COL12A1: variants seen among roughly 807,000 people sequenced by gnomAD.
The protein encoded by COL12A1 is collagen alpha-1(XII) chain.
A neutral mutation model predicts 349.7 loss-of-function variants in COL12A1; 114 were observed. The ratio of observed to expected loss-of-function variants is 0.33; its 90% CI spans 0.28 to 0.38. The LOEUF (loss-of-function observed/expected upper bound fraction) is 0.38, where lower values mean the gene tolerates loss of function less well. Ranked by LOEUF, COL12A1 falls within the 10% of genes least tolerant of loss-of-function variation. COL12A1 has a pLI of 1.00. For missense variants in COL12A1, 3,284 were observed against 3,756.9 expected, an observed-to-expected ratio of 0.87 and a Z score of 3.29; for synonymous variants, 1,369 against 1,329.0, an observed-to-expected ratio of 1.03 and a Z score of -0.66.
rs1449920267 is a variant in COL12A1, at chr6:75,139,635, C to G, written c.4958-674G>C. Among the ~76,000 whole-genome samples the G allele has an allele frequency of 2.0e-5, 3 of 152,202 alleles. No homozygotes were observed. In the East Asian group the frequency reaches 5.8e-4, roughly 29 times the overall value. ...TGCTACACATACAGTGAATTCCAAT[C>G]TAGGAATATTGCCACAGGAAAGGAA... On this transcript the variant is annotated intron_variant, in intron 27 of 65. Coordinates refer to ENST00000322507, the MANE Select transcript of COL12A1 (RefSeq NM_004370.6).
At chr6:75,204,296 C>A (rs915092754) in intron 1 of COL12A1, among the ~76,000 whole-genome samples, 20 of 152,138 alleles carry the variant, frequency 1.3e-4, no homozygotes, top group African/African-American at 4.3e-4. Context: ...GGCAGTCGTG[C>A]TCGCGAGAAG....
At chr6:75,203,917 G>A (rs368635642) in intron 1 of COL12A1, among the ~76,000 whole-genome samples, 11 of 152,186 alleles carry the variant, frequency 7.2e-5, no homozygotes, top group Admixed American at 2.0e-4. Context: ...ACTGTCCTGC[G>A]TCGGAATGCA....
intron 11 of COL12A1, among the ~76,000 whole-genome samples, chr6:75,180,210 T>C (rs950856406): frequency 2.0e-5 from 3 of 152,232 alleles, no homozygotes; most frequent in Non-Finnish European, 4.4e-5. Flanking sequence ...CGCTACGACA[T>C]GGATCAACCT....
chr6:75,153,152 T>A (rs923216629), intron 17 of COL12A1, among the ~76,000 whole-genome samples: 10 of 152,138 alleles, frequency 6.6e-5, no homozygotes, highest in Admixed American at 2.0e-4. Flanking sequence ...AAATTTATGA[T>A]CTACTGTGAA....
rs769813810 is a variant in COL12A1, at chr6:75,175,189, C to T, written c.2559G>A (p.Gly853=). The T allele has an allele frequency of 1.9e-5, 30 of 1,614,142 alleles. No individual in the cohort carries two copies. Among genetic ancestry groups the T allele is most frequent in the Non-Finnish European group, 2.5e-5 (30 of 1,180,032 alleles). The change falls in exon 13 of 66, where the codon GGG becomes GGA. Residue 853 remains glycine, a synonymous_variant. Coordinates refer to ENST00000322507, the MANE Select transcript of COL12A1 (RefSeq NM_004370.6). ...QYLVTYTPVA[G]GETQEVTVRG... ...TCACAGTGACCTCTTGAGTTTCACC[C>T]CCTGCCACTGGGGTATATGTGACGA... is the stretch of plus-strand genomic sequence containing the variant.
At chr6:75,124,976 A>G (rs1765940977) in intron 40 of COL12A1, 151 bp downstream of exon 40, 1 of 455,878 alleles carries the variant, frequency 2.2e-6, no homozygotes, top group South Asian at 1.1e-4. Flanking sequence ...TATGTATTTG[A>G]ATAGGTATTT....
At position 75,180,968 on chromosome 6, in the gene COL12A1, G is replaced by T; in HGVS notation, c.2135C>A (p.Pro712His). ...TAEYEDGFSI[P>H]LAGEETTEEV... ...TTCGGTGGTCTCCTCTCCAGCTAAGGGAATGCTGAAGCCATCCTCATACTC... is the reference window on the plus strand; with the variant it reads ...TTCGGTGGTCTCCTCTCCAGCTAAGTGAATGCTGAAGCCATCCTCATACTC... The change falls in exon 11 of 66, where the codon CCC becomes CAC. Residue 712 changes from proline to histidine, a missense_variant. This residue lies in a region of COL12A1 where 2,601 missense variants were observed against 2,824.8 expected (regional missense o/e 0.92). Coordinates refer to ENST00000322507, the MANE Select transcript of COL12A1 (RefSeq NM_004370.6). 6.2e-7 allele frequency: 1 copy of T among 1,613,232 alleles called. No individual in the cohort carries two copies. Among genetic ancestry groups the T allele is most frequent in the Non-Finnish European group, 8.5e-7 (1 of 1,179,690 alleles).
At position 75,085,444 on chromosome 6, in the gene COL12A1, C is replaced by T; in HGVS notation, c.*1103G>A. 1 of 432,060 alleles carries T rather than the reference C, an allele frequency of 2.3e-6. No individual in the cohort carries two copies. The highest frequency in any genetic ancestry group is 5.0e-6 in the Non-Finnish European group (1 of 201,214). The allele number at this position is 432,060 out of a possible 1,614,324, so 26.8% of individuals were successfully genotyped here. ...CACACAGCAAAAGCTAAATCATCAC[C>T]CGCGGTGATGGCACTCCAGTCTTAA... is the stretch of plus-strand genomic sequence containing the variant. On this transcript the variant is annotated 3_prime_UTR_variant, in exon 66 of 66. Coordinates refer to ENST00000322507, the MANE Select transcript of COL12A1 (RefSeq NM_004370.6).
chr6:75,126,451 C>A lies in COL12A1; in HGVS notation c.6360G>T (p.Gln2120His). ...ACCATTCGTCAGAGATGTGTATGTT[C>A]TGAGGAGGAAGGAGTCCCACTGAAA... is the stretch of plus-strand genomic sequence containing the variant. ...NGRTVGLLPP[Q>H]NIHISDEWYT... Residue 2120 changes from glutamine (Q) to histidine (H), a missense_variant, in exon 39 of 66, where the codon CAG (glutamine) becomes CAT (histidine). Physicochemically the swap from Gln to His is conservative, Grantham distance 24. Transcript: ENST00000322507. 1 of 1,610,610 alleles carries A rather than the reference C, an allele frequency of 6.2e-7. No individual in the cohort carries two copies. The highest frequency in any genetic ancestry group is 1.1e-5 in the South Asian group (1 of 90,928).
intron 46 of COL12A1, 167 bp from the exon 47 acceptor site, chr6:75,117,713 G>A: frequency 1.7e-6 from 1 of 584,268 alleles, no homozygotes; most frequent in Admixed American, 3.3e-5. Flanking sequence ...ACTTTTTCCA[G>A]GTCTTTCTAT....
At chr6:75,183,014 A>T in intron 10 of COL12A1, 36 bp downstream of exon 10, 1 of 1,541,250 alleles carries the variant, frequency 6.5e-7, no homozygotes, top group Non-Finnish European at 8.7e-7. Flanking sequence ...TTCTTTGTTC[A>T]TGAAGAAATA....
chr6:75,106,388 C>A, intron 53 of COL12A1, 31 bp downstream of exon 53: 2 of 1,576,994 alleles, frequency 1.3e-6, no homozygotes, highest in Non-Finnish European at 1.7e-6. Context: ...ACTGTTAAAG[C>A]CATGGCAGAA....
At position 75,095,120 on chromosome 6, in the gene COL12A1, A is replaced by G; in HGVS notation, c.8637T>C (p.Asp2879=). 1 of 1,614,036 alleles carries G rather than the reference A, an allele frequency of 6.2e-7. No individual in the cohort carries two copies. The highest frequency in any genetic ancestry group is 8.5e-7 in the Non-Finnish European group (1 of 1,179,978). ...GCTGTCCGCTTACTGGTCTGCCATG[A>G]TCTCCAGGTTTTCCTGGCTTCCCAC... The part of the protein sequence containing the change: ...GPSGKPGKPG[D]HGRPGPSGLK... Residue 2879 remains aspartate, a synonymous_variant, in exon 60 of 66, where the codon GAT becomes GAC. Coordinates refer to ENST00000322507, the MANE Select transcript of COL12A1 (RefSeq NM_004370.6).
intron 27 of COL12A1, among the ~76,000 whole-genome samples, chr6:75,140,238 G>C (rs1582118101): frequency 6.6e-6 from 1 of 152,136 alleles, no homozygotes; most frequent in East Asian, 1.9e-4. Flanking sequence ...TCAATTCTCA[G>C]CTCCAGCCAT....
chr6:75,115,408 A>C (rs1281307507), intron 49 of COL12A1, among the ~76,000 whole-genome samples: 1 of 152,134 alleles, frequency 6.6e-6, no homozygotes, highest in East Asian at 1.9e-4. Context: ...GAGGTCGGAA[A>C]CACTAAAAAG....
intron 52 of COL12A1, 31 bp downstream of exon 52, chr6:75,108,987 G>A (rs759722456): frequency 1.3e-6 from 2 of 1,597,058 alleles, no homozygotes; most frequent in East Asian, 2.2e-5. Flanking sequence ...TTAACACAAG[G>A]TACCAAGAGA....
At position 75,170,131 on chromosome 6, in the gene COL12A1, T is replaced by G. The variant is rs975014782; in HGVS notation, c.2711-4352A>C. On this transcript the variant is annotated intron_variant, in intron 13 of 65. Coordinates refer to ENST00000322507, the MANE Select transcript of COL12A1 (RefSeq NM_004370.6). ...CCTTACCCCTTTTCCATTTTCTTTC[T>G]GAAAAGCAAATTATCATCCAATTCA... is the stretch of plus-strand genomic sequence containing the variant. 3.9e-5 allele frequency among the ~76,000 whole-genome samples: 6 copies of G among 152,338 alleles called. No homozygotes were observed. The South Asian group carries it at 6.2e-4, about 16-fold the overall frequency.
rs1647807146 is a variant in COL12A1, at chr6:75,125,253, C to G, written c.6481G>C (p.Ala2161Pro). The G allele has an allele frequency of 6.2e-7, 1 of 1,607,892 alleles. No homozygotes were observed. Reference sequence around the variant, plus strand: ...TATGATGTCATTTCTCCAACAAAGGCTTCCATGGGCTCATTGGAACCTTTA... The same window carrying G: ...TATGATGTCATTTCTCCAACAAAGGGTTCCATGGGCTCATTGGAACCTTTA... ...KPVGSNEPME[A>P]FVGEMTSYTL... The change falls in exon 40 of 66, where the codon GCC becomes CCC. Residue 2161 changes from alanine to proline, a missense_variant. Transcript: ENST00000322507.
At chr6:75,176,454 C>T (rs1256124856) in intron 12 of COL12A1, among the ~76,000 whole-genome samples, 1 of 101,004 alleles carries the variant, frequency 9.9e-6, no homozygotes, top group Non-Finnish European at 2.0e-5. Context: ...GGGCAGTGGG[C>T]GGTGGGAGCA....
Sources: gnomAD v4.1 joint callset for allele counts (sites outside exome capture counted in the v4.1 genomes callset) on GRCh38, gnomAD v4.1.1 for gene constraint, gnomAD v4.1.1 regional missense constraint, MANE v1.5 for transcripts, NCBI Gene and HGNC (gene_info 2026-07-23, HGNC 2026-07-21) for gene names.